ANKRA2: variants seen among roughly 807,000 people sequenced by gnomAD.
ANKRA2 encodes ankyrin repeat family A protein 2.
A neutral mutation model predicts 37.8 loss-of-function variants in ANKRA2; 33 were observed. That is an observed-to-expected ratio of 0.87 (90% CI 0.66 to 1.17). ANKRA2 has a LOEUF of 1.17. Among genes scored for constraint, ANKRA2 ranks in the 50% most tolerant of loss-of-function variants. The pLI is 0.00. For synonymous variants in ANKRA2, 126 were observed against 132.3 expected (o/e 0.95, Z 0.33); for missense variants, 326 against 373.7 (o/e 0.87, Z 1.05).
In ANKRA2 at chr5:73,562,669, G is replaced by A; in HGVS notation, c.213C>T (p.Ser71=). The part of the protein sequence containing the change: ...DMNVCSRFVK[S]LNEEDSKNIQ... Reference sequence around the variant, plus strand: ...TATTTTTACTATCTTCTTCATTTAAGGACTTCACAAATCGAGAACACACAT... The same window carrying A: ...TATTTTTACTATCTTCTTCATTTAAAGACTTCACAAATCGAGAACACACAT... Residue 71 remains serine (S), a synonymous_variant, in exon 2 of 9, where the codon TCC becomes TCT. Transcript: ENST00000296785. 6.2e-7 allele frequency: 1 copy of A among 1,614,098 alleles called. No individual in the cohort carries two copies. Among genetic ancestry groups the A allele is most frequent in the Non-Finnish European group, 8.5e-7 (1 of 1,179,990 alleles).
chr5:73,554,525 A>C, intron 6 of ANKRA2, 137 bp from the exon 7 acceptor site: 1 of 625,938 alleles, frequency 1.6e-6, no homozygotes. Flanking sequence ...AGGATACTTA[A>C]ATCAGAACTA....
intron 2 of ANKRA2, chr5:73,562,384 T>C: frequency 6.6e-6 from 3 of 452,806 alleles, no homozygotes; most frequent in Non-Finnish European, 7.6e-6. Flanking sequence ...AAACAAGAAG[T>C]TTTTAAAAAA....
rs973858094 is a variant in ANKRA2 at position 73,562,814 on chromosome 5, C to G, written c.68G>C (p.Ser23Thr). 1.9e-6 allele frequency: 3 copies of G among 1,613,982 alleles called. No individual in the cohort carries two copies. Among genetic ancestry groups the G allele is most frequent in the Non-Finnish European group, 2.5e-6 (3 of 1,180,012 alleles). ...LIVEECPSTY[S>T]LTGMPDIKIE... is the part of the protein sequence containing the mutation. ...TTTAATGTCTGGCATGCCAGTTAGG[C>G]TATAAGTGCTGGGACACTCTTCCAC... is the stretch of plus-strand genomic sequence containing the variant. Residue 23 changes from serine (S) to threonine (T), a missense_variant, in exon 2 of 9, where the codon AGC becomes ACC. This residue lies in a region of ANKRA2 where 93 missense variants were observed against 91.1 expected (regional missense o/e 1.02). Transcript: ENST00000296785.
At chr5:73,554,478 A>G in intron 6 of ANKRA2, 90 bp from the exon 7 acceptor site, 1 of 826,408 alleles carries the variant, frequency 1.2e-6, no homozygotes, top group South Asian at 1.6e-5. Flanking sequence ...CTAGAATTAG[A>G]CATATAATCA....
In ANKRA2 at chr5:73,554,783, A is replaced by T. The variant is rs1473824789; in HGVS notation, c.738+78T>A. The T allele has an allele frequency of 3.3e-6, 5 of 1,493,304 alleles. No homozygotes were observed. In the African/African-American group the frequency reaches 7.0e-5, roughly 21 times the overall value. 92.5% of individuals were successfully genotyped at this position (1,493,304 alleles called of 1,614,324 possible). The stretch of plus-strand genomic sequence containing the variant: ...GCTCAGTCTATTTCTTCTTTAATAA[A>T]ACTTACTGCATCTCTCCCAAACCAA... On this transcript the variant is annotated intron_variant, in intron 6 of 8. Coordinates refer to ENST00000296785, the MANE Select transcript of ANKRA2 (RefSeq NM_023039.5).
At chr5:73,559,072 G>A (rs1407189627) in intron 3 of ANKRA2, among the ~76,000 whole-genome samples, 1 of 152,156 alleles carries the variant, frequency 6.6e-6, no homozygotes, top group Non-Finnish European at 1.5e-5. Flanking sequence ...TGATACGATT[G>A]GATGGCCTTA....
At chr5:73,555,080 C>A in intron 5 of ANKRA2, 94 bp from the exon 6 acceptor site, 2 of 1,521,872 alleles carry the variant, frequency 1.3e-6, no homozygotes, top group East Asian at 2.3e-5. Context: ...AACACTAGGC[C>A]TGGTAATGTT....
chr5:73,561,179 G>C lies in ANKRA2; in HGVS notation c.399C>G (p.Thr133=). The change falls in exon 3 of 9, where the codon ACC becomes ACG. Residue 133 remains threonine, a synonymous_variant. Transcript: ENST00000296785. The part of the protein sequence containing the change: ...FSPIKQSTTL[T]NKHRGNEVST... ...AGACCTCATTTCCTCTGTGTTTGTT[G>C]GTTAAAGTGGTTGACTGTTTTATGG... 6.2e-7 allele frequency: 1 copy of C among 1,613,972 alleles called. No individual in the cohort carries two copies. Among genetic ancestry groups the C allele is most frequent in the Non-Finnish European group, 8.5e-7 (1 of 1,179,936 alleles).
chr5:73,557,059 CTTTTAAG>C (rs898844598), intron 4 of ANKRA2, among the ~76,000 whole-genome samples: 1 of 145,826 alleles, frequency 6.9e-6, no homozygotes, highest in Non-Finnish European at 1.5e-5. Context: ...TATAGATATA[CTTTTAAG>C]TTTTAAGTTT....
At chr5:73,559,249 T>A (rs893934905) in intron 3 of ANKRA2, among the ~76,000 whole-genome samples, 1 of 152,218 alleles carries the variant, frequency 6.6e-6, no homozygotes, top group African/African-American at 2.4e-5. Flanking sequence ...AAAAAACAGA[T>A]TTTGTCATGC....
At position 73,562,952 on chromosome 5, in the gene ANKRA2, C is replaced by A; in HGVS notation, c.-71G>T. 7.3e-7 allele frequency: 1 copy of A among 1,365,180 alleles called. No homozygotes were observed. The highest frequency in any genetic ancestry group is 9.9e-7 in the Non-Finnish European group (1 of 1,010,842). The allele number at this position is 1,365,180 out of a possible 1,614,324, so 84.6% of individuals were successfully genotyped here. On this transcript the variant is annotated 5_prime_UTR_variant, in exon 2 of 9. Transcript: ENST00000296785. ...CCTCTTGGTTTTGTAAGAGCAGTAT[C>A]CAGTGTGTTCTTGGAATCTGGATAT...
chr5:73,564,243 G>T (rs946366533), intron 1 of ANKRA2, among the ~76,000 whole-genome samples: 8 of 152,326 alleles, frequency 5.3e-5, no homozygotes, highest in African/African-American at 1.7e-4. Context: ...TCTTAAAAGG[G>T]ACTGGACAAT....
intron 3 of ANKRA2, among the ~76,000 whole-genome samples, chr5:73,560,707 T>C (rs553838100): frequency 1.5e-4 from 23 of 152,208 alleles, no homozygotes; most frequent in Admixed American, 1.4e-3. Flanking sequence ...ATATTTATTA[T>C]AGTCACCATT....
chr5:73,559,498 A>C (rs755977806), intron 3 of ANKRA2, among the ~76,000 whole-genome samples: 14 of 152,150 alleles, frequency 9.2e-5, no homozygotes, highest in Non-Finnish European at 1.5e-4. Context: ...CAAATTCAAA[A>C]TTACAGTGCA....
rs778415003 is a variant in ANKRA2, at chr5:73,565,619, G to A, written c.-592C>T. On this transcript the variant is annotated 5_prime_UTR_variant, in exon 1 of 9. Coordinates refer to ENST00000296785, the MANE Select transcript of ANKRA2 (RefSeq NM_023039.5). ...AGGGTCATTTCAGTTGACGGTTCTG[G>A]GTCACCAGAGCAGAGGAAGCCCCAA... is the stretch of plus-strand genomic sequence containing the variant. 7.7e-6 allele frequency: 3 copies of A among 387,100 alleles called. No homozygotes were observed. Among genetic ancestry groups the A allele is most frequent in the South Asian group, 5.7e-5 (3 of 52,992 alleles). The allele number at this position is 387,100 out of a possible 1,614,324, so 24.0% of individuals were successfully genotyped here. A position where few individuals can be genotyped will look rare whatever the true frequency, so the allele number is the denominator to read the frequency against.
intron 3 of ANKRA2, 77 bp from the exon 4 acceptor site, chr5:73,557,717 C>A: frequency 9.9e-7 from 1 of 1,011,284 alleles, no homozygotes; most frequent in South Asian, 1.6e-5. Context: ...ATGTTTGTGT[C>A]ACCAATTTTC....
chr5:73,558,978 TA>T (rs1747474059), intron 3 of ANKRA2, among the ~76,000 whole-genome samples: 1 of 152,242 alleles, frequency 6.6e-6, no homozygotes, highest in Non-Finnish European at 1.5e-5. Context: ...TATGGTGGAT[TA>T]TTTTAAGACA....
chr5:73,554,207 A>T (rs1747334080), intron 7 of ANKRA2, 115 bp downstream of exon 7: 1 of 954,484 alleles, frequency 1.0e-6, no homozygotes, highest in African/African-American at 1.7e-5. Flanking sequence ...AAGAGCAGCA[A>T]GATTCATGTA....
rs1747710025 is a variant in ANKRA2, at chr5:73,565,507, T to G, written c.-480A>C. ...CAGCTGAAACTTTCGGGTTTTCTTT[T>G]TTTTGTCCCTCTCTCCTTTTTTTTA... On this transcript the variant is annotated 5_prime_UTR_variant, in exon 1 of 9. Transcript: ENST00000296785. 4.0e-6 allele frequency: 1 copy of G among 248,466 alleles called. No homozygotes were observed. Among genetic ancestry groups the G allele is most frequent in the Non-Finnish European group, 8.2e-6 (1 of 122,356 alleles). The allele number at this position is 248,466 out of a possible 1,614,324, so 15.4% of individuals were successfully genotyped here.
Sources: gnomAD v4.1 joint callset for allele counts (sites outside exome capture counted in the v4.1 genomes callset) on GRCh38, gnomAD v4.1.1 for gene constraint, gnomAD v4.1.1 regional missense constraint, MANE v1.5 for transcripts, NCBI Gene and HGNC (gene_info 2026-07-23, HGNC 2026-07-21) for gene names.